PPP2R1A: variants seen among roughly 807,000 people sequenced by gnomAD.
PPP2R1A encodes serine/threonine-protein phosphatase 2A 65 kDa regulatory subunit A alpha isoform.
A neutral mutation model predicts 67.1 loss-of-function variants in PPP2R1A; 15 were observed. That is an observed-to-expected ratio of 0.22 (90% CI 0.15 to 0.34). PPP2R1A has a LOEUF of 0.34. Among genes scored for constraint, PPP2R1A ranks in the 10% least tolerant of loss-of-function variants. The pLI is 1.00. For synonymous variants in PPP2R1A, 337 were observed against 325.0 expected, an observed-to-expected ratio of 1.04 and a Z score of -0.40; for missense variants, 369 against 775.0, an observed-to-expected ratio of 0.48 and a Z score of 6.22.
rs1978783875 is a variant in PPP2R1A, at chr19:52,219,455, T to C, written c.1129-236T>C. On this transcript the variant is annotated intron_variant, in intron 9 of 14. Coordinates refer to ENST00000322088, the MANE Select transcript of PPP2R1A (RefSeq NM_014225.6). The surrounding 1 kb of genome is among the most constrained non-coding windows in gnomAD (Gnocchi z 4.0). ...TGTGATTCTTAAAGTCTTTTCAAAA[T>C]GGATAAACATTTCTTGTGATACTAT... Among the ~76,000 whole-genome samples, 3 of 152,240 alleles carry C rather than the reference T, an allele frequency of 2.0e-5. No homozygotes were observed.
intron 13 of PPP2R1A, among the ~76,000 whole-genome samples, chr19:52,224,543 A>G (rs1979136212): frequency 6.6e-6 from 1 of 152,232 alleles, no homozygotes; most frequent in Admixed American, 6.5e-5. Context: ...TGTGAAATCA[A>G]TGAAAGATAC....
chr19:52,192,524 G>A (rs1410590675), intron 1 of PPP2R1A, among the ~76,000 whole-genome samples: 1 of 152,018 alleles, frequency 6.6e-6, no homozygotes, highest in African/African-American at 2.4e-5. Context: ...GTGTTGGCCA[G>A]GCTGGTCTCA....
In PPP2R1A at chr19:52,216,623, A is replaced by C; in HGVS notation, c.1088A>C (p.Glu363Ala). 6.2e-7 allele frequency: 1 copy of C among 1,614,138 alleles called. No homozygotes were observed. Among genetic ancestry groups the C allele is most frequent in the African/African-American group, 1.3e-5 (1 of 75,026 alleles). Reference protein sequence around the residue: ...SPILGKDNTIEHLLPLFLAQL... With the variant: ...SPILGKDNTIAHLLPLFLAQL... ...ATCTTGGGCAAAGACAACACCATCGAGCACCTCTTGCCCCTCTTCCTGGCT... is the reference window on the plus strand; with the variant it reads ...ATCTTGGGCAAAGACAACACCATCGCGCACCTCTTGCCCCTCTTCCTGGCT... The change falls in exon 9 of 15, where the codon GAG becomes GCG. Residue 363 changes from glutamate to alanine, a missense_variant. Around this residue, in one of 2 missense-constraint regions of PPP2R1A, gnomAD observed 276 missense variants for 508.4 expected, o/e 0.54. Coordinates refer to ENST00000322088, the MANE Select transcript of PPP2R1A (RefSeq NM_014225.6). This position sits in a 1 kb window ranked among gnomAD's most constrained non-coding sequence, Gnocchi z 4.3.
In PPP2R1A at chr19:52,222,259, C is replaced by G; in HGVS notation, c.1661+18C>G. 1 of 1,608,628 alleles carries G rather than the reference C, an allele frequency of 6.2e-7. No homozygotes were observed. The highest frequency in any genetic ancestry group is 8.5e-7 in the Non-Finnish European group (1 of 1,176,708). On this transcript the variant is annotated intron_variant, in intron 13 of 14. Transcript: ENST00000322088. ...GACAACAGGTGAGGTCTGGATACTC[C>G]CCCACACACTGGCAGGGGCTTCTTG...
chr19:52,208,117 G>C (rs1368509588), intron 3 of PPP2R1A, among the ~76,000 whole-genome samples: 2 of 152,162 alleles, frequency 1.3e-5, no homozygotes, highest in East Asian at 3.8e-4. Context: ...TGGTGAAATG[G>C]AATTAATTAC....
intron 2 of PPP2R1A, among the ~76,000 whole-genome samples, chr19:52,204,826 A>G (rs149383770): frequency 2.1e-4 from 32 of 152,342 alleles, no homozygotes; most frequent in Non-Finnish European, 4.1e-4. Context: ...GAGCTCTTCA[A>G]TGAAAGCATT....
chr19:52,198,622 G>A (rs898251692), intron 1 of PPP2R1A, among the ~76,000 whole-genome samples: 5 of 152,198 alleles, frequency 3.3e-5, no homozygotes, highest in African/African-American at 1.2e-4. Context: ...CACCCTCCAA[G>A]AATGTGCATG....
At chr19:52,192,299 T>C (rs1286380641) in intron 1 of PPP2R1A, among the ~76,000 whole-genome samples, 1 of 136,952 alleles carries the variant, frequency 7.3e-6, no homozygotes, top group Non-Finnish European at 1.6e-5. Context: ...TGTAATGGCC[T>C]TTTTTTTTTT....
chr19:52,211,322 C>T lies in PPP2R1A; in HGVS notation c.333C>T (p.Ser111=), dbSNP rs868591683. Residue 111 remains serine, a synonymous_variant, in exon 4 of 15, where the codon TCC becomes TCT. Coordinates refer to ENST00000322088, the MANE Select transcript of PPP2R1A (RefSeq NM_014225.6). This position sits in a 1 kb window ranked among gnomAD's most constrained non-coding sequence, Gnocchi z 5.3. ...TGGTGCGGGACAAGGCAGTGGAGTC[C>T]TTACGGGCCATCTCACACGAGCACT... ...ETVVRDKAVE[S]LRAISHEHSP... 2 of 1,613,842 alleles carry T rather than the reference C, an allele frequency of 1.2e-6. No individual in the cohort carries two copies.
chr19:52,222,093 C>T lies in PPP2R1A; in HGVS notation c.1519-6C>T. Reference sequence around the variant, plus strand: ...ATACTCACCCCTGCCACTCACTGGCCCCCAGGTGCTGTCTGAGGTCTGTGG... The same window carrying T: ...ATACTCACCCCTGCCACTCACTGGCTCCCAGGTGCTGTCTGAGGTCTGTGG... On this transcript the variant is annotated splice_polypyrimidine_tract_variant and splice_region_variant and intron_variant, in intron 12 of 14. Coordinates refer to ENST00000322088, the MANE Select transcript of PPP2R1A (RefSeq NM_014225.6). 6.2e-7 allele frequency: 1 copy of T among 1,606,174 alleles called. No homozygotes were observed. The highest frequency in any genetic ancestry group is 1.3e-5 in the African/African-American group (1 of 74,918).
At chr19:52,220,918 T>G (rs749789388) in intron 11 of PPP2R1A, 61 bp from the exon 12 acceptor site, 1 of 1,574,042 alleles carries the variant, frequency 6.4e-7, no homozygotes. Flanking sequence ...TGACCTACAT[T>G]TTGCCCACAT....
Position 52,228,629 on chromosome 19 carries a change from C to T in PPP2R1A, c.*2648C>T, listed in dbSNP as rs1304979103. ...CTGGAGCTGGGTCAGGGTGGAGAGACTGTGTGGAGCCAGGACTCATGACCC... is the reference window on the plus strand; with the variant it reads ...CTGGAGCTGGGTCAGGGTGGAGAGATTGTGTGGAGCCAGGACTCATGACCC... On this transcript the variant is annotated 3_prime_UTR_variant, in exon 15 of 15. Coordinates refer to ENST00000322088, the MANE Select transcript of PPP2R1A (RefSeq NM_014225.6). 6.6e-6 allele frequency: 1 copy of T among 152,202 alleles called. No individual in the cohort carries two copies. Among genetic ancestry groups the T allele is most frequent in the Non-Finnish European group, 1.5e-5 (1 of 68,084 alleles). The allele number at this position is 152,202 out of a possible 1,614,324, so 9.4% of individuals were successfully genotyped here.
At position 52,213,682 on chromosome 19, in the gene PPP2R1A, C is replaced by T. The variant is rs1246883947; in HGVS notation, c.807+572C>T. Among the ~76,000 whole-genome samples the T allele has an allele frequency of 2.0e-5, 3 of 151,742 alleles. No individual in the cohort carries two copies. Among genetic ancestry groups the T allele is most frequent in the African/African-American group, 4.8e-5 (2 of 41,288 alleles). On this transcript the variant is annotated intron_variant, in intron 6 of 14. Coordinates refer to ENST00000322088, the MANE Select transcript of PPP2R1A (RefSeq NM_014225.6). The surrounding 1 kb of genome is among the most constrained non-coding windows in gnomAD (Gnocchi z 4.2). ...ATTTTTATTAGAGACGGGGTTTCAC[C>T]ATGTTGTTAGCCAGGCTAGTCTCGA...
chr19:52,208,593 G>A (rs947390477), intron 3 of PPP2R1A, among the ~76,000 whole-genome samples: 83 of 152,040 alleles, frequency 5.5e-4, no homozygotes, highest in Non-Finnish European at 8.7e-4. Flanking sequence ...TCTGCCTCCC[G>A]GGTTCAAGTG....
chr19:52,223,447 G>A (rs1335924417), intron 13 of PPP2R1A, among the ~76,000 whole-genome samples: 2 of 152,188 alleles, frequency 1.3e-5, no homozygotes, highest in Non-Finnish European at 2.9e-5. Context: ...AGAGTAAAAT[G>A]CAAGCCACTG....
In PPP2R1A at chr19:52,213,967, C is replaced by T. The variant is rs963558103; in HGVS notation, c.807+857C>T. Among the ~76,000 whole-genome samples the T allele has an allele frequency of 6.6e-6, 1 of 152,002 alleles. No individual in the cohort carries two copies. The highest frequency in any genetic ancestry group is 1.5e-5 in the Non-Finnish European group (1 of 67,996). On this transcript the variant is annotated intron_variant, in intron 6 of 14. Coordinates refer to ENST00000322088, the MANE Select transcript of PPP2R1A (RefSeq NM_014225.6). The surrounding 1 kb of genome is among the most constrained non-coding windows in gnomAD (Gnocchi z 4.2). ...GCCAGTGAATTCGGATCATTCCTGGCCTTCATGGAGCTAGGCAGTCTGAAG... is the reference window on the plus strand; with the variant it reads ...GCCAGTGAATTCGGATCATTCCTGGTCTTCATGGAGCTAGGCAGTCTGAAG...
Position 52,226,658 on chromosome 19 carries a change from G to C in PPP2R1A, c.*677G>C, listed in dbSNP as rs1353730241. The C allele has an allele frequency of 5.7e-6, 1 of 176,018 alleles. No homozygotes were observed. The highest frequency in any genetic ancestry group is 9.9e-5 in the East Asian group (1 of 10,066). 10.9% of individuals were successfully genotyped at this position (176,018 alleles called of 1,614,324 possible). A position where few individuals can be genotyped will look rare whatever the true frequency, so the allele number is the denominator to read the frequency against. ...ATTCATAGATGTCGGCCGAGTATTT[G>C]GGGGGTTAAGAGCAGGTGCCTTGGA... On this transcript the variant is annotated 3_prime_UTR_variant, in exon 15 of 15. Coordinates refer to ENST00000322088, the MANE Select transcript of PPP2R1A (RefSeq NM_014225.6).
chr19:52,190,441 T>A (rs1327401841), intron 1 of PPP2R1A: 8 of 552,436 alleles, frequency 1.4e-5, no homozygotes, highest in East Asian at 1.3e-4. Context: ...CCTGGGAGGT[T>A]GTGGCCAGGG....
In PPP2R1A at chr19:52,193,261, A is replaced by G. The variant is rs534700562; in HGVS notation, c.78+3087A>G. On this transcript the variant is annotated intron_variant, in intron 1 of 14. Coordinates refer to ENST00000322088, the MANE Select transcript of PPP2R1A (RefSeq NM_014225.6). Reference sequence around the variant, plus strand: ...TGGAATAGAATCTGGGGTGGGACACACGGTTGCTGATTATATTCATATGCC... The same window carrying G: ...TGGAATAGAATCTGGGGTGGGACACGCGGTTGCTGATTATATTCATATGCC... 5.9e-5 allele frequency among the ~76,000 whole-genome samples: 9 copies of G among 152,368 alleles called. No individual in the cohort carries two copies. The South Asian group carries it at 1.9e-3, about 32-fold the overall frequency.
Sources: gnomAD v4.1 joint callset for allele counts (sites outside exome capture counted in the v4.1 genomes callset) on GRCh38, gnomAD v4.1.1 for gene constraint, gnomAD v4.1.1 regional missense constraint, Gnocchi (gnomAD v3.1) non-coding constraint, MANE v1.5 for transcripts, NCBI Gene and HGNC (gene_info 2026-07-23, HGNC 2026-07-21) for gene names.